SLC16A9: variants seen among roughly 807,000 people sequenced by gnomAD.
SLC16A9 encodes the protein monocarboxylate transporter 9.
A neutral mutation model predicts 44.3 loss-of-function variants in SLC16A9; 26 were observed. That is an observed-to-expected ratio of 0.59 (90% CI 0.43 to 0.81). The LOEUF (loss-of-function observed/expected upper bound fraction) is 0.81. Among genes scored for constraint, SLC16A9 ranks in the 40% least tolerant of loss-of-function variants. The pLI, the probability that SLC16A9 is intolerant of heterozygous loss-of-function variation, is 0.00. For synonymous variants in SLC16A9, 230 were observed against 225.1 expected (o/e 1.02, Z -0.19); for missense variants, 559 against 595.8 (o/e 0.94, Z 0.64).
chr10:59,665,905 T>A (rs893279786), intron 3 of SLC16A9, among the ~76,000 whole-genome samples: 19 of 152,238 alleles, frequency 1.2e-4, no homozygotes, highest in Non-Finnish European at 1.9e-4. Context: ...ATGAATTTTT[T>A]AAAATGATTT....
intron 2 of SLC16A9, among the ~76,000 whole-genome samples, chr10:59,675,458 T>C (rs1042029706): frequency 2.6e-5 from 4 of 152,284 alleles, no homozygotes; most frequent in African/African-American, 9.6e-5. Context: ...CATCAGGTGA[T>C]GGTCAGATGT....
intron 3 of SLC16A9, among the ~76,000 whole-genome samples, chr10:59,668,083 T>A (rs992488823): frequency 4.6e-5 from 7 of 151,974 alleles, no homozygotes; most frequent in African/African-American, 1.2e-4. Context: ...CTTTTTTTTT[T>A]AATCTCATCT....
intron 2 of SLC16A9, among the ~76,000 whole-genome samples, chr10:59,676,299 G>A (rs1839856372): frequency 6.6e-6 from 1 of 152,158 alleles, no homozygotes; most frequent in Non-Finnish European, 1.5e-5. Flanking sequence ...ATGTATCAAA[G>A]TGACCATCAA....
intron 2 of SLC16A9, among the ~76,000 whole-genome samples, chr10:59,679,201 C>G (rs1839933519): frequency 6.6e-6 from 1 of 151,784 alleles, no homozygotes; most frequent in East Asian, 1.9e-4. Context: ...ACAGAACCAC[C>G]GTTTCCTTGA....
chr10:59,654,814 A>G (rs1182748190), intron 4 of SLC16A9, among the ~76,000 whole-genome samples: 1 of 152,220 alleles, frequency 6.6e-6, no homozygotes, highest in Non-Finnish European at 1.5e-5. Context: ...AGCACTTTAC[A>G]TTGCACGATC....
At chr10:59,687,993 A>G (rs1057333986) in intron 1 of SLC16A9, among the ~76,000 whole-genome samples, 1 of 151,962 alleles carries the variant, frequency 6.6e-6, no homozygotes, top group East Asian at 1.9e-4. Context: ...GAAAGAAAAG[A>G]AAAGAAAAAT....
chr10:59,668,722 A>G (rs1839679611), intron 3 of SLC16A9, among the ~76,000 whole-genome samples: 1 of 152,226 alleles, frequency 6.6e-6, no homozygotes, highest in South Asian at 2.1e-4. Context: ...TACAAAAAAA[A>G]TCCATTATAT....
At chr10:59,670,134 T>C (rs1839711586) in intron 3 of SLC16A9, among the ~76,000 whole-genome samples, 1 of 152,222 alleles carries the variant, frequency 6.6e-6, no homozygotes, top group Admixed American at 6.5e-5. Flanking sequence ...ATAGAGCTTC[T>C]TCAGTAGCCA....
intron 3 of SLC16A9, among the ~76,000 whole-genome samples, chr10:59,664,755 T>A (rs1297553258): frequency 6.6e-6 from 1 of 152,182 alleles, no homozygotes; most frequent in Non-Finnish European, 1.5e-5. Context: ...ATACACTTGA[T>A]CACTCAAAGC....
chr10:59,694,289 T>G (rs1408366737), intron 1 of SLC16A9, among the ~76,000 whole-genome samples: 1 of 152,160 alleles, frequency 6.6e-6, no homozygotes, highest in Non-Finnish European at 1.5e-5. Flanking sequence ...GTGGCCTTGA[T>G]CAGATTGTCT....
In SLC16A9 at chr10:59,688,158, C is replaced by T. The variant is rs144254245; in HGVS notation, c.-36-3831G>A. Among the ~76,000 whole-genome samples, 234 of 152,294 alleles carry T rather than the reference C, an allele frequency of 1.5e-3. 2 individuals are homozygous for T. Among genetic ancestry groups the T allele is most frequent in the Admixed American group, 3.6e-3 (55 of 15,304 alleles). On this transcript the variant is annotated intron_variant, in intron 1 of 5. Coordinates refer to ENST00000395348, the MANE Select transcript of SLC16A9 (RefSeq NM_194298.3). ...TCAGGTGCAACAGAGTCTTTGCCCA[C>T]GGATTCTGCCAAACCATGCACTTGG...
intron 3 of SLC16A9, among the ~76,000 whole-genome samples, chr10:59,671,680 C>T (rs891070482): frequency 2.0e-5 from 3 of 152,184 alleles, no homozygotes; most frequent in Admixed American, 2.0e-4. Context: ...CAAGTGAAAG[C>T]CCTGTAACTC....
At chr10:59,682,863 C>T (rs1001636383) in intron 2 of SLC16A9, among the ~76,000 whole-genome samples, 3 of 151,068 alleles carry the variant, frequency 2.0e-5, no homozygotes, top group African/African-American at 7.3e-5. Flanking sequence ...TTCCCTTGAG[C>T]TCATAATGGC....
intron 4 of SLC16A9, among the ~76,000 whole-genome samples, chr10:59,655,581 G>A (rs1307304207): frequency 6.6e-6 from 1 of 152,036 alleles, no homozygotes; most frequent in Admixed American, 6.6e-5. Context: ...AAGTATGCTG[G>A]TTTATACATC....
chr10:59,657,312 G>A (rs1001905991), intron 4 of SLC16A9, among the ~76,000 whole-genome samples: 2 of 152,100 alleles, frequency 1.3e-5, no homozygotes, highest in African/African-American at 2.4e-5. Context: ...ACCAACCCCT[G>A]TTCACTACAG....
At chr10:59,704,335 C>T (rs1313619894) in intron 1 of SLC16A9, among the ~76,000 whole-genome samples, 2 of 152,128 alleles carry the variant, frequency 1.3e-5, no homozygotes, top group African/African-American at 4.8e-5. Flanking sequence ...CTGTCTCATC[C>T]GGGTAAACCT....
At chr10:59,693,373 T>G (rs1274103775) in intron 1 of SLC16A9, among the ~76,000 whole-genome samples, 2 of 152,218 alleles carry the variant, frequency 1.3e-5, no homozygotes, top group African/African-American at 4.8e-5. Context: ...AAGATGTCAG[T>G]GTATCATTTC....
At chr10:59,707,585 CAAAAAAAAA>C (rs35376586) in intron 1 of SLC16A9, among the ~76,000 whole-genome samples, 1 of 127,516 alleles carries the variant, frequency 7.8e-6, no homozygotes, top group African/African-American at 2.9e-5. Flanking sequence ...CTCACCACAC[CAAAAAAAAA>C]AAAAAAACAA....
At chr10:59,684,350 G>A in intron 1 of SLC16A9, 23 bp from the exon 2 acceptor site, 3 of 1,451,530 alleles carry the variant, frequency 2.1e-6, no homozygotes, top group Admixed American at 3.7e-5. Context: ...AAACAGAAAA[G>A]AGAATCTTAT....
Sources: gnomAD v4.1 joint callset for allele counts (sites outside exome capture counted in the v4.1 genomes callset) on GRCh38, gnomAD v4.1.1 for gene constraint, MANE v1.5 for transcripts, NCBI Gene and HGNC (gene_info 2026-07-23, HGNC 2026-07-21) for gene names.